The following PTPRD variants were observed in gnomAD, a reference collection of about 807,000 sequenced individuals.
The protein encoded by PTPRD is receptor-type tyrosine-protein phosphatase delta.
PTPRD carries 34 observed loss-of-function variants against 214.5 expected under a neutral mutation model. The observed-to-expected ratio is 0.16, with a 90% CI of 0.12 to 0.21. PTPRD has a LOEUF of 0.21. PTPRD is among the 10% of genes least tolerant of loss of function. The pLI, the probability that PTPRD is intolerant of heterozygous loss-of-function variation, is 1.00. For synonymous variants in PTPRD, 1,128 were observed against 845.7 expected (o/e 1.33, Z -5.79); for missense variants, 2,545 against 2,398.7 (o/e 1.06, Z -1.27).
At chr9:8,436,093 T>C (rs1464943413) in intron 35 of PTPRD, among the ~76,000 whole-genome samples, 1 of 152,200 alleles carries the variant, frequency 6.6e-6, no homozygotes, top group Non-Finnish European at 1.5e-5. Context: ...TTCTAGGAAC[T>C]GAAAAATCAG....
intron 5 of PTPRD, among the ~76,000 whole-genome samples, chr9:9,925,535 G>A (rs1001400352): frequency 2.0e-5 from 3 of 151,718 alleles, no homozygotes; most frequent in Non-Finnish European, 2.9e-5. Flanking sequence ...TTTTTTTAAA[G>A]CATGTTTTTA....
At position 9,593,684 on chromosome 9, in the gene PTPRD, A is replaced by C. The variant is rs541427469; in HGVS notation, c.-286-18903T>G. Among the ~76,000 whole-genome samples, 30 of 152,170 alleles carry C rather than the reference A, an allele frequency of 2.0e-4. 1 individual carries two copies. In the South Asian group the frequency reaches 6.2e-3, roughly 32 times the overall value. Reference sequence around the variant, plus strand: ...GAGAACCCTCTGTCCTAAAAGTTAGAACTAGGGGAGAACCAAAGTAAAGGT... The same window carrying C: ...GAGAACCCTCTGTCCTAAAAGTTAGCACTAGGGGAGAACCAAAGTAAAGGT... On this transcript the variant is annotated intron_variant, in intron 7 of 45. Transcript: ENST00000381196.
At chr9:9,088,924 G>A (rs894811324) in intron 10 of PTPRD, among the ~76,000 whole-genome samples, 1 of 152,084 alleles carries the variant, frequency 6.6e-6, no homozygotes, top group African/African-American at 2.4e-5. Context: ...TATTAAATGA[G>A]TAAATATTGT....
At chr9:9,139,096 C>T (rs1032391535) in intron 10 of PTPRD, among the ~76,000 whole-genome samples, 4 of 151,380 alleles carry the variant, frequency 2.6e-5, no homozygotes, top group South Asian at 2.1e-4. Context: ...GCAGGAGCCC[C>T]CCTCCCCCCC....
At chr9:8,610,723 G>C (rs952283157) in intron 14 of PTPRD, among the ~76,000 whole-genome samples, 7 of 152,098 alleles carry the variant, frequency 4.6e-5, no homozygotes, top group African/African-American at 1.7e-4. Flanking sequence ...GAAGTTACAG[G>C]GACATTATTT....
chr9:8,995,685 G>A (rs538895835), intron 11 of PTPRD, among the ~76,000 whole-genome samples: 1 of 152,086 alleles, frequency 6.6e-6, no homozygotes, highest in Non-Finnish European at 1.5e-5. Flanking sequence ...ACTGGCTTCT[G>A]CTTTCCTACC....
Position 9,361,422 on chromosome 9 carries a change from C to T in PTPRD, c.-203+36027G>A, listed in dbSNP as rs371059214. On this transcript the variant is annotated intron_variant, in intron 9 of 45. Coordinates refer to ENST00000381196, the MANE Select transcript of PTPRD (RefSeq NM_002839.4). ...ATTATCTTAGTGTCCTATATTTTAG[C>T]CTTTCCTGGCATTCCTCAATTTTAT... 1.6e-3 allele frequency among the ~76,000 whole-genome samples: 238 copies of T among 151,100 alleles called. 2 individuals carry two copies. The highest frequency in any genetic ancestry group is 5.5e-3 in the African/African-American group (228 of 41,402).
At chr9:9,638,942 C>G (rs1486095647) in intron 7 of PTPRD, among the ~76,000 whole-genome samples, 1 of 152,122 alleles carries the variant, frequency 6.6e-6, no homozygotes, top group East Asian at 1.9e-4. Flanking sequence ...AAAACTCTCT[C>G]CTTCAAACTC....
At chr9:8,924,410 C>T (rs901625791) in intron 11 of PTPRD, among the ~76,000 whole-genome samples, 2 of 152,170 alleles carry the variant, frequency 1.3e-5, no homozygotes, top group Admixed American at 6.5e-5. Context: ...AGAGAAACCA[C>T]TGAGTACTTG....
rs182509187 is a variant in PTPRD at position 9,527,263 on chromosome 9, T to C, written c.-237+47469A>G. On this transcript the variant is annotated intron_variant, in intron 8 of 45. Coordinates refer to ENST00000381196, the MANE Select transcript of PTPRD (RefSeq NM_002839.4). Reference sequence around the variant, plus strand: ...TATGGTAGTATCACCTATAAGTGTCTGTTGTGAAACCTATGTCAAATTACT... The same window carrying C: ...TATGGTAGTATCACCTATAAGTGTCCGTTGTGAAACCTATGTCAAATTACT... Among the ~76,000 whole-genome samples the C allele has an allele frequency of 3.8e-3, 581 of 152,326 alleles. 5 individuals carry two copies. Among genetic ancestry groups the C allele is most frequent in the Admixed American group, 6.1e-3 (94 of 15,302 alleles).
chr9:9,987,825 A>C (rs1437942625), intron 4 of PTPRD, among the ~76,000 whole-genome samples: 1 of 152,196 alleles, frequency 6.6e-6, no homozygotes, highest in African/African-American at 2.4e-5. Flanking sequence ...TCAGTATGCT[A>C]GTTGCAAATT....
At chr9:9,495,639 C>G (rs898644314) in intron 8 of PTPRD, among the ~76,000 whole-genome samples, 1 of 152,070 alleles carries the variant, frequency 6.6e-6, no homozygotes, top group Non-Finnish European at 1.5e-5. Context: ...CTTCCCATCC[C>G]CGCCCCGACT....
chr9:8,338,295 A>G (rs1403205102), intron 43 of PTPRD, among the ~76,000 whole-genome samples: 1 of 152,080 alleles, frequency 6.6e-6, no homozygotes. Context: ...AACATCTTAC[A>G]TCAGGGCTGA....
intron 4 of PTPRD, among the ~76,000 whole-genome samples, chr9:9,967,689 TC>T (rs771359897): frequency 1.2e-3 from 183 of 152,266 alleles, no homozygotes; most frequent in Non-Finnish European, 2.8e-4. Context: ...AGTTTAAGCA[TC>T]CCATGGGGTT....
At chr9:9,344,595 C>G (rs2048123794) in intron 9 of PTPRD, among the ~76,000 whole-genome samples, 1 of 151,916 alleles carries the variant, frequency 6.6e-6, no homozygotes, top group African/African-American at 2.4e-5. Flanking sequence ...GTATTCATGA[C>G]TAAAATTCAC....
intron 3 of PTPRD, among the ~76,000 whole-genome samples, chr9:10,074,602 T>C (rs2098099686): frequency 2.0e-5 from 3 of 152,178 alleles, no homozygotes; most frequent in Non-Finnish European, 4.4e-5. Context: ...CATGATGCTT[T>C]CTCTGATCCC....
intron 14 of PTPRD, among the ~76,000 whole-genome samples, chr9:8,557,981 G>A (rs956209552): frequency 5.3e-5 from 8 of 151,424 alleles, no homozygotes; most frequent in South Asian, 2.1e-4. Context: ...TTTAGAGAAC[G>A]CTTTATTAAC....
At chr9:9,833,097 G>A (rs1322711297) in intron 5 of PTPRD, among the ~76,000 whole-genome samples, 2 of 151,104 alleles carry the variant, frequency 1.3e-5, no homozygotes, top group African/African-American at 2.5e-5. Context: ...AAGAGAAGGG[G>A]CAAGGCCAGG....
chr9:9,653,615 G>A (rs535668729), intron 7 of PTPRD, among the ~76,000 whole-genome samples: 1 of 152,134 alleles, frequency 6.6e-6, no homozygotes, highest in South Asian at 2.1e-4. Flanking sequence ...AAACATTACT[G>A]AACAGCATGA....
Sources: gnomAD v4.1 joint callset for allele counts (sites outside exome capture counted in the v4.1 genomes callset) on GRCh38, gnomAD v4.1.1 for gene constraint, MANE v1.5 for transcripts, NCBI Gene and HGNC (gene_info 2026-07-23, HGNC 2026-07-21) for gene names.